Variants in RASGRF2 observed in about 807,000 individuals in gnomAD.
RASGRF2 encodes the protein Ras protein specific guanine nucleotide releasing factor 2.
Under a neutral mutation model 151.0 loss-of-function variants are expected in RASGRF2, and 76 were observed. The ratio of observed to expected loss-of-function variants is 0.50; its 90% confidence interval spans 0.42 to 0.61. RASGRF2 has a LOEUF of 0.61. RASGRF2 is among the 20% of genes least tolerant of loss of function. The pLI is 0.00. For missense variants in RASGRF2, 1,148 were observed against 1,564.6 expected (o/e 0.73, Z 4.49); for synonymous variants, 504 against 566.5 (o/e 0.89, Z 1.57).
At chr5:81,212,155 C>T (rs1024364982) in intron 22 of RASGRF2, among the ~76,000 whole-genome samples, 2 of 152,222 alleles carry the variant, frequency 1.3e-5, no homozygotes, top group African/African-American at 4.8e-5. Context: ...CAGATAACCC[C>T]TGTGTTCACT....
intron 2 of RASGRF2, among the ~76,000 whole-genome samples, chr5:81,052,528 C>G (rs1477458311): frequency 1.3e-5 from 2 of 152,074 alleles, no homozygotes; most frequent in Non-Finnish European, 2.9e-5. Flanking sequence ...GCTTGTGTTT[C>G]CATTTACTGT....
chr5:81,066,729 C>T (rs944740756), intron 2 of RASGRF2, among the ~76,000 whole-genome samples: 1 of 152,172 alleles, frequency 6.6e-6, no homozygotes, highest in African/African-American at 2.4e-5. Context: ...ACTAGAATTT[C>T]CAAGTTAATA....
intron 1 of RASGRF2, among the ~76,000 whole-genome samples, chr5:81,002,205 A>C (rs963795471): frequency 6.6e-6 from 1 of 152,146 alleles, no homozygotes; most frequent in African/African-American, 2.4e-5. Context: ...ATCCATTCCC[A>C]TTTATAGAGG....
intron 1 of RASGRF2, among the ~76,000 whole-genome samples, chr5:81,000,012 TGC>T (rs1459914971): frequency 2.6e-4 from 39 of 152,170 alleles, no homozygotes; most frequent in African/African-American, 8.4e-4. Context: ...CTGGGACCTC[TGC>T]TGGGGCTGGA....
intron 4 of RASGRF2, 138 bp downstream of exon 4, chr5:81,070,719 G>A (rs1751748429): frequency 1.5e-6 from 1 of 656,692 alleles, no homozygotes; most frequent in Non-Finnish European, 2.6e-6. Context: ...TTGCCCTGCA[G>A]AGTGATCCAG....
chr5:81,043,933 G>A (rs1161300062), intron 2 of RASGRF2, among the ~76,000 whole-genome samples: 1 of 152,180 alleles, frequency 6.6e-6, no homozygotes, highest in East Asian at 1.9e-4. Context: ...TGTACTGCAC[G>A]TGGGCGATTT....
At chr5:80,997,005 G>A (rs1025036306) in intron 1 of RASGRF2, among the ~76,000 whole-genome samples, 21 of 152,106 alleles carry the variant, frequency 1.4e-4, no homozygotes, top group African/African-American at 5.1e-4. Context: ...TATAACTAAA[G>A]TCTCCTTATT....
rs552041456 is a variant in RASGRF2, at chr5:81,027,144, T to C, written c.289-15733T>C. On this transcript the variant is annotated intron_variant, in intron 1 of 26. Transcript: ENST00000265080. ...CCATCACCACCGTCTATTTCCAGAA[T>C]GCTTTCATCATTCAAAAAAGAAAAC... Among the ~76,000 whole-genome samples the C allele has an allele frequency of 3.3e-5, 5 of 152,364 alleles. No individual in the cohort carries two copies. The South Asian group carries it at 1.0e-3, about 32-fold the overall frequency.
At chr5:81,161,823 G>GT (rs917723558) in intron 17 of RASGRF2, among the ~76,000 whole-genome samples, 8 of 151,852 alleles carry the variant, frequency 5.3e-5, no homozygotes, top group African/African-American at 1.9e-4. Flanking sequence ...TATAAACATT[G>GT]TTGGCCCCAA....
At chr5:81,035,914 G>A (rs1023518311) in intron 1 of RASGRF2, among the ~76,000 whole-genome samples, 6 of 152,004 alleles carry the variant, frequency 3.9e-5, no homozygotes, top group Admixed American at 1.3e-4. Flanking sequence ...AGCTAGAACC[G>A]CAGAACAAAT....
chr5:81,157,804 G>T (rs954825235), intron 17 of RASGRF2, among the ~76,000 whole-genome samples: 1 of 152,124 alleles, frequency 6.6e-6, no homozygotes, highest in Non-Finnish European at 1.5e-5. Flanking sequence ...TCACTATCAC[G>T]AGAAGAACAT....
chr5:80,996,184 A>G (rs371836456), intron 1 of RASGRF2, among the ~76,000 whole-genome samples: 10 of 152,188 alleles, frequency 6.6e-5, no homozygotes, highest in African/African-American at 2.4e-4. Context: ...TTAAACTTGC[A>G]CTTTGAGGAG....
intron 23 of RASGRF2, among the ~76,000 whole-genome samples, chr5:81,214,321 TC>T (rs1755687042): frequency 6.6e-6 from 1 of 152,184 alleles, no homozygotes; most frequent in Non-Finnish European, 1.5e-5. Context: ...TAGTGGACTG[TC>T]CCCCAGAGAG....
At chr5:81,054,183 G>A (rs1751120038) in intron 2 of RASGRF2, among the ~76,000 whole-genome samples, 1 of 152,230 alleles carries the variant, frequency 6.6e-6, no homozygotes, top group African/African-American at 2.4e-5. Context: ...TGGTGTTTTA[G>A]ACATGAAGTC....
chr5:81,052,906 A>G (rs560255518), intron 2 of RASGRF2, among the ~76,000 whole-genome samples: 2 of 152,210 alleles, frequency 1.3e-5, no homozygotes, highest in East Asian at 3.9e-4. Context: ...AACCCTGGAG[A>G]TAGGTGGAGT....
At chr5:81,108,261 C>T (rs887833987) in intron 12 of RASGRF2, among the ~76,000 whole-genome samples, 2 of 151,984 alleles carry the variant, frequency 1.3e-5, no homozygotes, top group African/African-American at 2.4e-5. Flanking sequence ...CTTCTCTAAC[C>T]CAAAATAATT....
intron 1 of RASGRF2, among the ~76,000 whole-genome samples, chr5:81,023,898 T>C (rs951541926): frequency 6.6e-6 from 1 of 152,238 alleles, no homozygotes; most frequent in Non-Finnish European, 1.5e-5. Flanking sequence ...TGATTTGTTA[T>C]TGTATTGAGT....
chr5:81,107,404 A>G (rs1752875417), intron 12 of RASGRF2, among the ~76,000 whole-genome samples: 2 of 152,186 alleles, frequency 1.3e-5, no homozygotes, highest in Non-Finnish European at 2.9e-5. Context: ...GACATTGTTC[A>G]CTACATTATT....
At chr5:81,150,612 G>A (rs1754111239) in intron 17 of RASGRF2, among the ~76,000 whole-genome samples, 2 of 152,006 alleles carry the variant, frequency 1.3e-5, no homozygotes, top group Non-Finnish European at 1.5e-5. Context: ...ACTCACTTAT[G>A]TGCATGCATG....
Sources: gnomAD v4.1 joint callset for allele counts (sites outside exome capture counted in the v4.1 genomes callset) on GRCh38, gnomAD v4.1.1 for gene constraint, MANE v1.5 for transcripts, NCBI Gene and HGNC (gene_info 2026-07-23, HGNC 2026-07-21) for gene names.